ITSN2: variants seen among roughly 807,000 people sequenced by gnomAD.
The protein encoded by ITSN2 is intersectin 2, also known as intersectin-2.
In ITSN2, 156 loss-of-function variants were observed where a neutral mutation model predicts 243.7. The ratio of observed to expected loss-of-function variants is 0.64; its 90% CI spans 0.56 to 0.73. The LOEUF is 0.73. ITSN2 is among the 30% of genes least tolerant of loss of function. The pLI is 0.00. For synonymous variants in ITSN2, 703 were observed against 699.9 expected, an observed-to-expected ratio of 1.00 and a Z score of -0.07; for missense variants, 1,801 against 1,996.1, an observed-to-expected ratio of 0.90 and a Z score of 1.86.
At chr2:24,210,976 G>T (rs755387707) in intron 33 of ITSN2, 29 bp from the exon 34 acceptor site, 2 of 1,609,446 alleles carry the variant, frequency 1.2e-6, no homozygotes, top group South Asian at 2.2e-5. Flanking sequence ...TGTCACATGG[G>T]GGAGCTGCGT....
intron 18 of ITSN2, among the ~76,000 whole-genome samples, chr2:24,272,711 G>A (rs146023391): frequency 4.6e-5 from 7 of 152,070 alleles, no homozygotes; most frequent in East Asian, 3.9e-4. Context: ...CTGAGATTAC[G>A]GGCATGAGCC....
At chr2:24,321,199 G>A (rs1001511226) in intron 2 of ITSN2, among the ~76,000 whole-genome samples, 1 of 152,068 alleles carries the variant, frequency 6.6e-6, no homozygotes, top group Non-Finnish European at 1.5e-5. Context: ...TTTGTTGTCC[G>A]CCAGCTCTCT....
chr2:24,258,909 G>T (rs1336217839), intron 22 of ITSN2, among the ~76,000 whole-genome samples: 1 of 152,172 alleles, frequency 6.6e-6, no homozygotes, highest in Non-Finnish European at 1.5e-5. Context: ...TCCTGAAGCT[G>T]ACTCTCTGGT....
In ITSN2 at chr2:24,252,482, C is replaced by A. The variant is rs755130466; in HGVS notation, c.2983G>T (p.Val995Leu). 1 of 1,612,204 alleles carries A rather than the reference C, an allele frequency of 6.2e-7. No homozygotes were observed. Among genetic ancestry groups the A allele is most frequent in the Admixed American group, 1.7e-5 (1 of 59,994 alleles). ...EYIALYPYSS[V>L]EPGDLTFTEG... ...GTGAAAGTCAAATCTCCAGGTTCCA[C>A]ACTTGAATATGGATAAAGTGCAATA... is the stretch of plus-strand genomic sequence containing the variant. The change falls in exon 25 of 40, where the codon GTG becomes TTG. Residue 995 changes from valine (V) to leucine (L), a missense_variant. By Grantham distance (32) the Val-to-Leu change is conservative. This residue lies in a region of ITSN2 where 928 missense variants were observed against 1,065.4 expected (regional missense o/e 0.87). Transcript: ENST00000355123.
rs1187804564 is a variant in ITSN2, at chr2:24,262,846, C to T, written c.2356-1104G>A. ...TCCATCCCCTCCTTCTCCTAAATTC[C>T]TCTATTATTCACACCACCAAAAATT... On this transcript the variant is annotated intron_variant, in intron 20 of 39. Coordinates refer to ENST00000355123, the MANE Select transcript of ITSN2 (RefSeq NM_006277.3). Among the ~76,000 whole-genome samples, 11 of 152,204 alleles carry T rather than the reference C, an allele frequency of 7.2e-5. No homozygotes were observed. In the East Asian group the frequency reaches 1.9e-3, roughly 27 times the overall value.
intron 35 of ITSN2, 55 bp from the exon 36 acceptor site, chr2:24,209,276 C>T (rs887537823): frequency 2.4e-5 from 38 of 1,602,976 alleles, no homozygotes; most frequent in Admixed American, 3.4e-5. Context: ...ACACTCCACC[C>T]GCCTATGTCC....
chr2:24,354,746 A>G (rs1436101115), intron 1 of ITSN2, among the ~76,000 whole-genome samples: 1 of 152,236 alleles, frequency 6.6e-6, no homozygotes, highest in East Asian at 1.9e-4. Context: ...TTTTTATTAA[A>G]ATCACATATA....
In ITSN2 at chr2:24,217,896, T is replaced by C. The variant is rs765929101; in HGVS notation, c.3806+11A>G. On this transcript the variant is annotated intron_variant, in intron 31 of 39. Coordinates refer to ENST00000355123, the MANE Select transcript of ITSN2 (RefSeq NM_006277.3). ...GGTCAGCGGCAATGACAGGTGATGC[T>C]CAGGACTCACTTCAGCAGCTTTGTG... is the stretch of plus-strand genomic sequence containing the variant. 1.1e-5 allele frequency: 18 copies of C among 1,595,588 alleles called. No individual in the cohort carries two copies. In the South Asian group the frequency reaches 1.9e-4, roughly 17 times the overall value.
intron 15 of ITSN2, among the ~76,000 whole-genome samples, chr2:24,288,412 T>C (rs140680374): frequency 2.6e-5 from 4 of 152,258 alleles, no homozygotes; most frequent in Non-Finnish European, 5.9e-5. Flanking sequence ...ATATATTGTA[T>C]GCATGTTGTT....
At position 24,209,109 on chromosome 2, in the gene ITSN2, ATGT is replaced by A. The variant is rs2151092326; in HGVS notation, c.4583_4585del (p.Asn1528del). ...CATGGTCAGGACTGACCTCTCATTAATGTTGTCTGTTCGGAGGGTGTAGACCCG... is the reference window on the plus strand; with the variant it reads ...CATGGTCAGGACTGACCTCTCATTAATGTCTGTTCGGAGGGTGTAGACCCG... On this transcript the variant is annotated inframe_deletion, in exon 36 of 40. Transcript: ENST00000355123. 1.2e-6 allele frequency: 2 copies of A among 1,614,096 alleles called. No individual in the cohort carries two copies. The highest frequency in any genetic ancestry group is 1.7e-6 in the Non-Finnish European group (2 of 1,179,968).
At chr2:24,348,338 C>T (rs1015541079) in intron 1 of ITSN2, among the ~76,000 whole-genome samples, 2 of 151,696 alleles carry the variant, frequency 1.3e-5, no homozygotes, top group Admixed American at 1.3e-4. Flanking sequence ...CCATGCCCAA[C>T]TAATTTTTTG....
At chr2:24,299,020 C>G (rs1444358542) in intron 12 of ITSN2, among the ~76,000 whole-genome samples, 2 of 148,554 alleles carry the variant, frequency 1.3e-5, no homozygotes, top group Non-Finnish European at 1.5e-5. Flanking sequence ...CATTTCTTCA[C>G]GAGATCTTTT....
At chr2:24,311,953 C>G (rs925308371) in intron 5 of ITSN2, among the ~76,000 whole-genome samples, 3 of 152,046 alleles carry the variant, frequency 2.0e-5, no homozygotes, top group African/African-American at 7.2e-5. Flanking sequence ...CATCACGCAA[C>G]TAGGAGTTGT....
At chr2:24,228,049 T>C (rs1001295674) in intron 29 of ITSN2, among the ~76,000 whole-genome samples, 5 of 152,126 alleles carry the variant, frequency 3.3e-5, no homozygotes, top group Admixed American at 1.3e-4. Flanking sequence ...TTTTCTAGAA[T>C]TGAAGAATGA....
intron 1 of ITSN2, among the ~76,000 whole-genome samples, chr2:24,328,570 C>G (rs940765688): frequency 1.3e-5 from 2 of 151,848 alleles, no homozygotes; most frequent in African/African-American, 2.4e-5. Context: ...TCAAGCAATT[C>G]TCATACCTTG....
At chr2:24,330,658 C>G in intron 1 of ITSN2, 1 of 731,484 alleles carries the variant, frequency 1.4e-6, no homozygotes, top group Non-Finnish European at 2.5e-6. Flanking sequence ...GCTGAAAGTG[C>G]TGGAGATGCC....
intron 15 of ITSN2, among the ~76,000 whole-genome samples, chr2:24,292,619 T>C (rs1475804596): frequency 6.6e-6 from 1 of 152,246 alleles, no homozygotes; most frequent in Non-Finnish European, 1.5e-5. Flanking sequence ...TTCCTTTCAC[T>C]AACTAGTGAG....
At chr2:24,209,772 C>T (rs1245929547) in intron 35 of ITSN2, 46 bp downstream of exon 35, 3 of 1,479,940 alleles carry the variant, frequency 2.0e-6, no homozygotes, top group South Asian at 1.1e-5. Flanking sequence ...ATAGAGGCAA[C>T]ACCTCATTAG....
At position 24,360,291 on chromosome 2, in the gene ITSN2, C is replaced by A. The variant is rs1465719603; in HGVS notation, c.-34+13G>T. ...CCGCGCCTTGCTGCAGCCCCGCTAGCGGCTTCACCCACCTGGCGCCCTCGC... is the reference window on the plus strand; with the variant it reads ...CCGCGCCTTGCTGCAGCCCCGCTAGAGGCTTCACCCACCTGGCGCCCTCGC... On this transcript the variant is annotated intron_variant, in intron 1 of 39. Coordinates refer to ENST00000355123, the MANE Select transcript of ITSN2 (RefSeq NM_006277.3). 1 of 152,328 alleles carries A rather than the reference C, an allele frequency of 6.6e-6. No individual in the cohort carries two copies. The highest frequency in any genetic ancestry group is 2.4e-5 in the African/African-American group (1 of 41,408). 9.4% of individuals were successfully genotyped at this position (152,328 alleles called of 1,614,324 possible).
Sources: allele counts gnomAD v4.1 joint callset (sites outside exome capture counted in the v4.1 genomes callset), GRCh38; gene constraint gnomAD v4.1.1; regional missense constraint gnomAD v4.1.1; transcripts MANE v1.5; gene names NCBI Gene and HGNC (gene_info 2026-07-23, HGNC 2026-07-21).